Variants in STPG2 observed in about 807,000 individuals in gnomAD.
STPG2 encodes the protein sperm tail PG-rich repeat containing 2, also known as sperm-tail PG-rich repeat-containing protein 2.
In STPG2, 56 loss-of-function variants were observed where a neutral mutation model predicts 54.2. The ratio of observed to expected loss-of-function variants is 1.03; its 90% CI spans 0.83 to 1.29. STPG2 has a LOEUF of 1.29. Ranked by LOEUF, STPG2 falls within the 50% of genes most tolerant of loss-of-function variation. The pLI, the probability that STPG2 is intolerant of heterozygous loss-of-function variation, is 0.00. For synonymous variants in STPG2, 200 were observed against 181.8 expected, an observed-to-expected ratio of 1.10 and a Z score of -0.81; for missense variants, 596 against 544.9, an observed-to-expected ratio of 1.09 and a Z score of -0.93.
In STPG2 at chr4:97,453,617, G is replaced by C. The variant is rs566521855; in HGVS notation, c.462+259082C>G. On this transcript the variant is annotated intron_variant, in intron 4 of 4. Transcript: ENST00000522676. ...CAGGGACAGCAATAGACTGAAAGGAGGGTAAGAGAGTCAATTCAGGCCTCC... is the reference window on the plus strand; with the variant it reads ...CAGGGACAGCAATAGACTGAAAGGACGGTAAGAGAGTCAATTCAGGCCTCC... 5.9e-5 allele frequency among the ~76,000 whole-genome samples: 9 copies of C among 152,328 alleles called. No homozygotes were observed. The South Asian group carries it at 1.9e-3, about 32-fold the overall frequency.
chr4:97,864,772 C>A (rs1729699205), intron 8 of STPG2, among the ~76,000 whole-genome samples: 1 of 152,026 alleles, frequency 6.6e-6, no homozygotes, highest in South Asian at 2.1e-4. Flanking sequence ...GAACAGAGCC[C>A]TCAGAAGTAA....
chr4:97,767,331 C>T (rs775630459), intron 9 of STPG2, among the ~76,000 whole-genome samples: 5 of 152,082 alleles, frequency 3.3e-5, no homozygotes, highest in African/African-American at 4.8e-5. Flanking sequence ...GATTTGATTT[C>T]ATTTTGTCCC....
At chr4:97,800,421 G>T (rs1727348365) in intron 9 of STPG2, among the ~76,000 whole-genome samples, 3 of 152,206 alleles carry the variant, frequency 2.0e-5, no homozygotes, top group South Asian at 2.1e-4. Flanking sequence ...TTGGCTGCAG[G>T]CCTGTTAGAG....
chr4:98,046,967 T>A (rs7691433), intron 5 of STPG2, among the ~76,000 whole-genome samples: 59,963 of 151,974 alleles, frequency 0.39, 12,061 homozygotes, highest in Middle Eastern at 0.46. Context: ...CTGCCAGATG[T>A]GAGCTAATTA....
At chr4:97,786,695 A>G (rs1328409256) in intron 9 of STPG2, among the ~76,000 whole-genome samples, 2 of 151,972 alleles carry the variant, frequency 1.3e-5, no homozygotes, top group Non-Finnish European at 2.9e-5. Flanking sequence ...CTCTTTGTCC[A>G]ATGCATTCAT....
chr4:97,507,828 A>C (rs1338551906), intron 4 of STPG2, among the ~76,000 whole-genome samples: 3 of 152,092 alleles, frequency 2.0e-5, no homozygotes, highest in Non-Finnish European at 4.4e-5. Flanking sequence ...AGGGCATGTT[A>C]CCATTGCCAC....
intron 10 of STPG2, among the ~76,000 whole-genome samples, chr4:97,640,111 G>A (rs974783928): frequency 1.3e-5 from 2 of 152,022 alleles, no homozygotes; most frequent in African/African-American, 4.8e-5. Context: ...CCATTGACAT[G>A]TGACACCAGT....
chr4:97,662,871 C>T (rs1453308250), intron 10 of STPG2, among the ~76,000 whole-genome samples: 1 of 152,032 alleles, frequency 6.6e-6, no homozygotes, highest in Non-Finnish European at 1.5e-5. Flanking sequence ...ATCTGTACCC[C>T]AAACTTCAAC....
chr4:97,665,797 T>C (rs1292857416), intron 10 of STPG2, among the ~76,000 whole-genome samples: 3 of 152,100 alleles, frequency 2.0e-5, no homozygotes, highest in Non-Finnish European at 1.5e-5. Context: ...TGCTCATTGG[T>C]GCCCAAAGTC....
At chr4:97,446,707 C>A (rs965189373) in intron 4 of STPG2, among the ~76,000 whole-genome samples, 1 of 152,128 alleles carries the variant, frequency 6.6e-6, no homozygotes, top group Admixed American at 6.5e-5. Context: ...GTACCTCTTC[C>A]CTCTGTCTTT....
In STPG2 at chr4:97,521,492, C is replaced by A. The variant is rs374557958; in HGVS notation, c.462+191207G>T. On this transcript the variant is annotated intron_variant, in intron 4 of 4. Coordinates refer to the STPG2 transcript ENST00000522676. ...GATCATTTGGGATCATTACCCAGAA[C>A]TGACAAATGCATAAACTGATACTCA... Among the ~76,000 whole-genome samples the A allele has an allele frequency of 1.2e-4, 19 of 152,132 alleles. 1 individual carries two copies. The East Asian group carries it at 2.9e-3, about 23-fold the overall frequency.
chr4:97,487,361 A>G (rs1180681342), intron 4 of STPG2, among the ~76,000 whole-genome samples: 1 of 151,636 alleles, frequency 6.6e-6, no homozygotes, highest in South Asian at 2.1e-4. Flanking sequence ...ATGATCTATT[A>G]CACAATATAA....
Position 97,855,759 on chromosome 4 carries a change from G to A in STPG2, c.1045-14827C>T, listed in dbSNP as rs190101983. ...TTTGTCCATGCCTGTGTCCTAAATG[G>A]TATTGCCTAAATTTTCTTCTAGGGT... On this transcript the variant is annotated intron_variant, in intron 8 of 10. Coordinates refer to ENST00000295268, the MANE Select transcript of STPG2 (RefSeq NM_174952.3). Among the ~76,000 whole-genome samples the A allele has an allele frequency of 2.8e-3, 422 of 152,104 alleles. 14 individuals are homozygous for A. Among genetic ancestry groups the A allele is most frequent in the Non-Finnish European group, 5.9e-4 (40 of 67,990 alleles).
intron 8 of STPG2, among the ~76,000 whole-genome samples, chr4:97,899,759 G>A (rs887979657): frequency 6.6e-6 from 1 of 152,028 alleles, no homozygotes; most frequent in African/African-American, 2.4e-5. Context: ...CGGGATAACT[G>A]GCAGCTACAT....
chr4:97,827,099 A>G (rs969333347), intron 9 of STPG2, among the ~76,000 whole-genome samples: 18 of 152,358 alleles, frequency 1.2e-4, no homozygotes, highest in Admixed American at 1.1e-3. Context: ...AATGTTCCTG[A>G]ACATCAAACA....
At chr4:97,532,718 T>A (rs1731440939) in intron 4 of STPG2, among the ~76,000 whole-genome samples, 1 of 152,302 alleles carries the variant, frequency 6.6e-6, no homozygotes, top group African/African-American at 2.4e-5. Flanking sequence ...TAGATATGAT[T>A]GATATAGATA....
At chr4:97,632,977 G>T (rs1018721845) in intron 10 of STPG2, among the ~76,000 whole-genome samples, 12 of 152,062 alleles carry the variant, frequency 7.9e-5, no homozygotes, top group African/African-American at 1.2e-4. Context: ...GTAGATAGAT[G>T]GCAGGTAGGT....
chr4:97,812,032 A>G (rs897894894), intron 9 of STPG2, among the ~76,000 whole-genome samples: 2 of 152,124 alleles, frequency 1.3e-5, no homozygotes, highest in African/African-American at 4.8e-5. Flanking sequence ...ACTGACAAAT[A>G]TAAGTTAGTA....
At chr4:98,030,638 C>T (rs975028823) in intron 5 of STPG2, among the ~76,000 whole-genome samples, 5 of 151,978 alleles carry the variant, frequency 3.3e-5, no homozygotes, top group Non-Finnish European at 4.4e-5. Flanking sequence ...AAATTAGAGT[C>T]CAGGCCTACA....
Sources: allele counts gnomAD v4.1 joint callset (sites outside exome capture counted in the v4.1 genomes callset), GRCh38; gene constraint gnomAD v4.1.1; transcripts MANE v1.5; gene names NCBI Gene and HGNC (gene_info 2026-07-23, HGNC 2026-07-21).